REEP5: variants seen among roughly 807,000 people sequenced by gnomAD.
REEP5 encodes the protein receptor expression-enhancing protein 5.
A neutral mutation model predicts 22.4 loss-of-function variants in REEP5; 24 were observed. The observed-to-expected ratio is 1.07, with a 90% CI of 0.78 to 1.51. REEP5 has a LOEUF of 1.51. Among genes scored for constraint, REEP5 ranks in the 40% most tolerant of loss-of-function variants. The probability of loss-of-function intolerance (pLI) is 0.00; values close to 1 mark genes in which losing one functional copy is unlikely to be tolerated. For missense variants in REEP5, 252 were observed against 233.0 expected (o/e 1.08, Z -0.53); for synonymous variants, 103 against 88.6 (o/e 1.16, Z -0.92).
At chr5:112,895,635 T>A (rs1768659471) in intron 3 of REEP5, 1 of 152,216 alleles carries the variant, frequency 6.6e-6, no homozygotes, top group Non-Finnish European at 1.5e-5. Context: ...GCTACATCCT[T>A]AGCATTTTCC....
intron 2 of REEP5, among the ~76,000 whole-genome samples, chr5:112,908,825 G>T (rs1184545141): frequency 6.6e-6 from 1 of 150,384 alleles, no homozygotes; most frequent in Non-Finnish European, 1.5e-5. Flanking sequence ...AAAGTGCTGG[G>T]ATTACAGGCG....
At chr5:112,912,279 T>C (rs760270801) in intron 2 of REEP5, among the ~76,000 whole-genome samples, 1 of 152,172 alleles carries the variant, frequency 6.6e-6, no homozygotes, top group African/African-American at 2.4e-5. Context: ...GCATGGTTCA[T>C]AAGTAACTCA....
In REEP5 at chr5:112,921,186, T is replaced by C; in HGVS notation, c.189A>G (p.Gly63=). The C allele has an allele frequency of 3.1e-6, 5 of 1,613,896 alleles. No individual in the cohort carries two copies. The highest frequency in any genetic ancestry group is 2.7e-5 in the African/African-American group (2 of 74,946). The change falls in exon 2 of 5, where the codon GGA becomes GGG. Residue 63 remains glycine, a synonymous_variant. Transcript: ENST00000379638. ...YGASLLCNLI[G]FGYPAYISIK... ...ACGAGATGTAGGCTGGGTAGCCAAA[T>C]CCTATCAGGTTGCAGAGGAGAGAGG...
intron 3 of REEP5, chr5:112,892,488 A>G (rs780068872): frequency 2.5e-6 from 4 of 1,614,108 alleles, no homozygotes; most frequent in Non-Finnish European, 3.4e-6. Context: ...AGTCGGAAGA[A>G]GAATGCCAAG....
intron 3 of REEP5, chr5:112,892,444 C>A: frequency 6.2e-7 from 1 of 1,614,086 alleles, no homozygotes; most frequent in Non-Finnish European, 8.5e-7. Flanking sequence ...CAATTTGGAA[C>A]CTCACCTGAG....
At chr5:112,881,356 C>T (rs1045304552) in intron 4 of REEP5, among the ~76,000 whole-genome samples, 1 of 152,098 alleles carries the variant, frequency 6.6e-6, no homozygotes, top group African/African-American at 2.4e-5. Context: ...GGTCAGGCAA[C>T]CTCACAACTC....
intron 2 of REEP5, among the ~76,000 whole-genome samples, chr5:112,905,588 G>A (rs1768939204): frequency 6.8e-6 from 1 of 147,450 alleles, no homozygotes; most frequent in African/African-American, 2.5e-5. Flanking sequence ...TTTTCTGAAT[G>A]CTATTTACTT....
chr5:112,886,752 A>T (rs1199909456), intron 4 of REEP5, among the ~76,000 whole-genome samples: 1 of 152,234 alleles, frequency 6.6e-6, no homozygotes, highest in Non-Finnish European at 1.5e-5. Flanking sequence ...GATTCTCTAA[A>T]ATCGCTGCCT....
intron 3 of REEP5, among the ~76,000 whole-genome samples, chr5:112,888,528 T>A (rs570368250): frequency 6.6e-6 from 1 of 152,318 alleles, no homozygotes; most frequent in East Asian, 1.9e-4. Flanking sequence ...GTTCAAACAA[T>A]CTTCCCACAG....
At chr5:112,904,477 G>T (rs532689668) in intron 2 of REEP5, among the ~76,000 whole-genome samples, 3 of 152,156 alleles carry the variant, frequency 2.0e-5, no homozygotes, top group Non-Finnish European at 4.4e-5. Context: ...TCTTAGTTTT[G>T]TGAACGCAAT....
chr5:112,901,131 G>A (rs187129906), intron 3 of REEP5, among the ~76,000 whole-genome samples: 31 of 152,112 alleles, frequency 2.0e-4, no homozygotes, highest in African/African-American at 5.8e-4. Context: ...GAGCCACCAC[G>A]CCTGGCCAAG....
chr5:112,911,353 A>G (rs1373294551), intron 2 of REEP5, among the ~76,000 whole-genome samples: 2 of 150,948 alleles, frequency 1.3e-5, no homozygotes, highest in Admixed American at 1.3e-4. Context: ...AAAGGTGTGC[A>G]TCATCACCAA....
At chr5:112,885,503 A>AGG in intron 4 of REEP5, 4 of 208,626 alleles carry the variant, frequency 1.9e-5, no homozygotes, top group Non-Finnish European at 4.1e-5. Flanking sequence ...CTAACTAGGC[A>AGG]GATGAGGGTA....
chr5:112,888,161 CTTTAAA>C (rs1768317854), intron 3 of REEP5, among the ~76,000 whole-genome samples: 1 of 97,110 alleles, frequency 1.0e-5, no homozygotes, highest in Non-Finnish European at 1.9e-5. Context: ...ATTTCTCATG[CTTTAAA>C]TTTAAGTCTT....
Position 112,878,689 on chromosome 5 carries a change from G to A in REEP5, c.*97C>T. 2 of 1,518,544 alleles carry A rather than the reference G, an allele frequency of 1.3e-6. No individual in the cohort carries two copies. Among genetic ancestry groups the A allele is most frequent in the Non-Finnish European group, 8.9e-7 (1 of 1,120,752 alleles). 94.1% of individuals were successfully genotyped at this position (1,518,544 alleles called of 1,614,324 possible). Reference sequence around the variant, plus strand: ...TTAATATCTCAAAAATGTTTCCAAGGCAACATTATTAAAATAATTATACCA... The same window carrying A: ...TTAATATCTCAAAAATGTTTCCAAGACAACATTATTAAAATAATTATACCA... On this transcript the variant is annotated 3_prime_UTR_variant, in exon 5 of 5. Coordinates refer to ENST00000379638, the MANE Select transcript of REEP5 (RefSeq NM_005669.5).
intron 2 of REEP5, among the ~76,000 whole-genome samples, chr5:112,905,849 T>C (rs936296613): frequency 1.3e-5 from 2 of 152,032 alleles, no homozygotes; most frequent in African/African-American, 2.4e-5. Flanking sequence ...CTCAAACTCA[T>C]GGGGCTCAAG....
intron 2 of REEP5, among the ~76,000 whole-genome samples, chr5:112,920,363 C>G (rs905164396): frequency 2.0e-5 from 3 of 151,882 alleles, no homozygotes; most frequent in African/African-American, 7.3e-5. Flanking sequence ...GTAGCAGAGA[C>G]CAACTGAATG....
Position 112,921,492 on chromosome 5 carries a change from G to A in REEP5, c.119-236C>T, listed in dbSNP as rs564225944. The A allele has an allele frequency of 2.0e-5, 11 of 560,654 alleles. No individual in the cohort carries two copies. The Admixed American group carries it at 3.1e-4, about 16-fold the overall frequency. The allele number at this position is 560,654 out of a possible 1,614,324, so 34.7% of individuals were successfully genotyped here. A position where few individuals can be genotyped will look rare whatever the true frequency, so the allele number is the denominator to read the frequency against. On this transcript the variant is annotated intron_variant, in intron 1 of 4. Coordinates refer to ENST00000379638, the MANE Select transcript of REEP5 (RefSeq NM_005669.5). ...GTGCCTCTCCTACCTCCCGCAGGGG[G>A]CCCCGGCGCTTTGCGCAGCAACCCC... is the stretch of plus-strand genomic sequence containing the variant.
rs540895810 is a variant in REEP5, at chr5:112,894,234, C to G, written c.352-7051G>C. 1.7e-3 allele frequency: 259 copies of G among 152,150 alleles called. 1 individual carries two copies. Among genetic ancestry groups the G allele is most frequent in the Non-Finnish European group, 2.1e-3 (145 of 68,106 alleles). 9.4% of individuals were successfully genotyped at this position (152,150 alleles called of 1,614,324 possible). A position where few individuals can be genotyped will look rare whatever the true frequency, so the allele number is the denominator to read the frequency against. Reference sequence around the variant, plus strand: ...TCCCAGATTCAAGTGATTCCCCTGCCTCAACCTCTCGAGTAGCTGGTACTA... The same window carrying G: ...TCCCAGATTCAAGTGATTCCCCTGCGTCAACCTCTCGAGTAGCTGGTACTA... On this transcript the variant is annotated intron_variant, in intron 3 of 4. Transcript: ENST00000379638.
Sources: allele counts gnomAD v4.1 joint callset (sites outside exome capture counted in the v4.1 genomes callset), GRCh38; gene constraint gnomAD v4.1.1; transcripts MANE v1.5; gene names NCBI Gene and HGNC (gene_info 2026-07-23, HGNC 2026-07-21).